SEMA5B: variants seen among roughly 807,000 people sequenced by gnomAD.
The protein encoded by SEMA5B is semaphorin-5B.
Under a neutral mutation model 135.0 loss-of-function variants are expected in SEMA5B, and 66 were observed. The ratio of observed to expected loss-of-function variants is 0.49; its 90% confidence interval spans 0.40 to 0.60. SEMA5B has a LOEUF of 0.60. Among genes scored for constraint, SEMA5B ranks in the 20% least tolerant of loss-of-function variants. The probability of loss-of-function intolerance (pLI) is 0.00; values close to 1 mark genes in which losing one functional copy is unlikely to be tolerated. For synonymous variants in SEMA5B, 690 were observed against 639.5 expected, an observed-to-expected ratio of 1.08 and a Z score of -1.19; for missense variants, 1,501 against 1,566.3, an observed-to-expected ratio of 0.96 and a Z score of 0.70.
intron 2 of SEMA5B, chr3:122,958,379 C>A (rs138550016): frequency 6.6e-6 from 1 of 152,342 alleles, no homozygotes; most frequent in Non-Finnish European, 1.5e-5. Flanking sequence ...GAGGGGAAAC[C>A]AAGAGCAGGG....
At position 122,992,058 on chromosome 3, in the gene SEMA5B, A is replaced by G. The variant is rs570429376; in HGVS notation, c.-38-30757T>C. Among the ~76,000 whole-genome samples the G allele has an allele frequency of 5.3e-5, 8 of 152,186 alleles. No individual in the cohort carries two copies. In the South Asian group the frequency reaches 1.7e-3, roughly 32 times the overall value. On this transcript the variant is annotated intron_variant, in intron 1 of 22. Transcript: ENST00000357599. ...AACAAAACTGTAACCACCAAGGGGA[A>G]TGGTTTTGATGGGTAGGCAGGGGTC...
intron 1 of SEMA5B, among the ~76,000 whole-genome samples, chr3:122,997,518 T>TCTCCACC (rs764169923): frequency 7.0e-6 from 1 of 142,782 alleles, no homozygotes. Flanking sequence ...CCCAGGCCTC[T>TCTCCACC]CCCCCCCCCG....
chr3:122,927,589 G>A (rs922823423), intron 8 of SEMA5B, among the ~76,000 whole-genome samples: 1 of 152,050 alleles, frequency 6.6e-6, no homozygotes, highest in Non-Finnish European at 1.5e-5. Flanking sequence ...CTGTGGCCTC[G>A]GGACATCACC....
intron 1 of SEMA5B, among the ~76,000 whole-genome samples, chr3:123,002,223 G>A (rs1473624811): frequency 6.6e-6 from 1 of 152,190 alleles, no homozygotes; most frequent in Non-Finnish European, 1.5e-5. Context: ...GAGTCAGGTG[G>A]ACAGGCATCA....
intron 1 of SEMA5B, among the ~76,000 whole-genome samples, chr3:123,020,917 T>C (rs1942660463): frequency 6.6e-6 from 1 of 152,124 alleles, no homozygotes; most frequent in African/African-American, 2.4e-5. Context: ...AGCAGGAAAG[T>C]GAGGAAAGTC....
intron 4 of SEMA5B, 151 bp from the exon 5 acceptor site, chr3:122,939,621 C>T: frequency 1.6e-6 from 1 of 631,452 alleles, no homozygotes; most frequent in South Asian, 1.9e-5. Context: ...TCCATTTGCT[C>T]ACTTAATCTT....
At chr3:122,941,323 G>A (rs1240065272) in intron 4 of SEMA5B, among the ~76,000 whole-genome samples, 1 of 152,214 alleles carries the variant, frequency 6.6e-6, no homozygotes, top group Admixed American at 6.5e-5. Flanking sequence ...GCAGGAAAAA[G>A]TGTCCCTCCA....
chr3:122,928,161 G>A (rs77200914), intron 7 of SEMA5B, among the ~76,000 whole-genome samples, 158 bp from the exon 8 acceptor site: 1,643 of 152,244 alleles, frequency 0.011, 12 homozygotes, highest in Non-Finnish European at 0.017. Flanking sequence ...CTCTGAGGGA[G>A]CAGCCCTCAG....
rs1004170570 is a variant in SEMA5B at position 122,922,032 on chromosome 3, C to T, written c.1571G>A (p.Arg524His). Residue 524 changes from arginine to histidine, a missense_variant, in exon 12 of 23, where the codon CGC becomes CAC. Arg to His is a conservative substitution (Grantham distance 29). Transcript: ENST00000357599. Reference sequence around the variant, plus strand: ...GCGCAGGCTGCGCAGGGGCTCGCGGCGCCCGGGGGGCAGCACGTGCAGCTC... The same window carrying T: ...GCGCAGGCTGCGCAGGGGCTCGCGGTGCCCGGGGGGCAGCACGTGCAGCTC... The part of the protein sequence containing the change: ...LEELHVLPPG[R>H]REPLRSLRIL... 2.0e-6 allele frequency: 3 copies of T among 1,498,282 alleles called. No individual in the cohort carries two copies. The highest frequency in any genetic ancestry group is 4.6e-5 in the Admixed American group (2 of 43,340). 92.8% of individuals were successfully genotyped at this position (1,498,282 alleles called of 1,614,324 possible).
intron 10 of SEMA5B, among the ~76,000 whole-genome samples, chr3:122,923,360 C>T (rs2107642277): frequency 6.6e-6 from 1 of 152,354 alleles, no homozygotes; most frequent in Non-Finnish European, 1.5e-5. Flanking sequence ...TCCCACTTCC[C>T]TGCCTCCCTG....
intron 2 of SEMA5B, among the ~76,000 whole-genome samples, chr3:122,951,188 A>G (rs1208089595): frequency 1.3e-5 from 2 of 152,238 alleles, no homozygotes; most frequent in Admixed American, 1.3e-4. Context: ...TCCGTATCAA[A>G]AAAGTGAAAA....
intron 5 of SEMA5B, among the ~76,000 whole-genome samples, chr3:122,931,789 G>A (rs1487010719): frequency 6.6e-6 from 1 of 152,184 alleles, no homozygotes; most frequent in Non-Finnish European, 1.5e-5. Context: ...TGCAAGTCTG[G>A]ATGCTTATAG....
intron 12 of SEMA5B, among the ~76,000 whole-genome samples, chr3:122,918,983 A>G (rs1938210246): frequency 6.9e-6 from 1 of 145,302 alleles, no homozygotes. Flanking sequence ...CCAATAATAT[A>G]TCACCATGTC....
At chr3:122,943,305 G>A in intron 4 of SEMA5B, 131 bp downstream of exon 4, 2 of 622,500 alleles carry the variant, frequency 3.2e-6, no homozygotes, top group South Asian at 2.0e-5. Context: ...ACATCCACAA[G>A]GAGAGGGCCC....
intron 1 of SEMA5B, among the ~76,000 whole-genome samples, chr3:123,019,604 T>C (rs951627115): frequency 2.0e-5 from 3 of 152,124 alleles, no homozygotes; most frequent in Non-Finnish European, 4.4e-5. Flanking sequence ...AATTAATAAA[T>C]CTTTTTTTAA....
In SEMA5B at chr3:122,933,967, G is replaced by A. The variant is rs1939117206; in HGVS notation, c.475-4909C>T. Among the ~76,000 whole-genome samples, 3 of 150,340 alleles carry A rather than the reference G, an allele frequency of 2.0e-5. 1 individual carries two copies. In the South Asian group the frequency reaches 6.4e-4, roughly 32 times the overall value. On this transcript the variant is annotated intron_variant, in intron 5 of 22. Transcript: ENST00000357599. ...CTGTTGCCCAGGCTGGAGTGCAGTG[G>A]CATGATCTCTGCTCACTGCAACCTT...
At chr3:122,934,832 G>A (rs1186925547) in intron 5 of SEMA5B, among the ~76,000 whole-genome samples, 1 of 142,030 alleles carries the variant, frequency 7.0e-6, no homozygotes, top group Non-Finnish European at 1.5e-5. Flanking sequence ...AGTGAGTAAT[G>A]ATTGTGCCAC....
At chr3:122,918,470 G>A (rs1437179228) in intron 12 of SEMA5B, among the ~76,000 whole-genome samples, 2 of 152,214 alleles carry the variant, frequency 1.3e-5, no homozygotes, top group Non-Finnish European at 2.9e-5. Flanking sequence ...ACTCTGCTGT[G>A]TACCCATGGT....
chr3:122,927,491 C>A (rs1240700527), intron 8 of SEMA5B, among the ~76,000 whole-genome samples: 1 of 152,220 alleles, frequency 6.6e-6, no homozygotes, highest in Non-Finnish European at 1.5e-5. Context: ...CTATACCTGG[C>A]CCCGTAATTT....
Sources: gnomAD v4.1 joint callset for allele counts (sites outside exome capture counted in the v4.1 genomes callset) on GRCh38, gnomAD v4.1.1 for gene constraint, MANE v1.5 for transcripts, NCBI Gene and HGNC (gene_info 2026-07-23, HGNC 2026-07-21) for gene names.